CACNB2: variants seen among roughly 807,000 people sequenced by gnomAD.
CACNB2 encodes the protein calcium voltage-gated channel auxiliary subunit beta 2.
In CACNB2, 42 loss-of-function variants were observed where a neutral mutation model predicts 73.3. The ratio of observed to expected loss-of-function variants is 0.57; its 90% CI spans 0.45 to 0.74. The LOEUF (loss-of-function observed/expected upper bound fraction) is 0.74. CACNB2 is among the 30% of genes least tolerant of loss of function. The probability of loss-of-function intolerance (pLI) is 0.00; values close to 1 mark genes in which losing one functional copy is unlikely to be tolerated. For synonymous variants in CACNB2, 348 were observed against 310.3 expected, an observed-to-expected ratio of 1.12 and a Z score of -1.28; for missense variants, 940 against 853.0, an observed-to-expected ratio of 1.10 and a Z score of -1.27.
intron 2 of CACNB2, among the ~76,000 whole-genome samples, chr10:18,215,290 G>A (rs999828245): frequency 6.6e-6 from 1 of 152,132 alleles, no homozygotes; most frequent in African/African-American, 2.4e-5. Flanking sequence ...ATTCATCTAA[G>A]TGAGGGGGCC....
At chr10:18,328,713 A>C (rs2040680807) in intron 2 of CACNB2, among the ~76,000 whole-genome samples, 1 of 152,190 alleles carries the variant, frequency 6.6e-6, no homozygotes, top group South Asian at 2.1e-4. Flanking sequence ...AAGTCGATGT[A>C]GATTTGGGAC....
intron 3 of CACNB2, among the ~76,000 whole-genome samples, chr10:18,487,323 A>G (rs561206857): frequency 1.3e-5 from 2 of 152,156 alleles, no homozygotes; most frequent in Non-Finnish European, 2.9e-5. Flanking sequence ...TTGTTTATCT[A>G]TGCTTTCAGC....
At chr10:18,385,530 G>C (rs1377933484) in intron 2 of CACNB2, among the ~76,000 whole-genome samples, 2 of 151,598 alleles carry the variant, frequency 1.3e-5, no homozygotes, top group African/African-American at 4.8e-5. Flanking sequence ...GGGAGGCTGA[G>C]GCAGGAGAAT....
At chr10:18,410,739 T>G (rs1397885239) in intron 3 of CACNB2, among the ~76,000 whole-genome samples, 2 of 152,090 alleles carry the variant, frequency 1.3e-5, no homozygotes, top group Non-Finnish European at 2.9e-5. Context: ...CCCAGCACTT[T>G]GGGAGGCCAA....
chr10:18,208,176 G>C (rs1276075589), intron 2 of CACNB2, among the ~76,000 whole-genome samples: 1 of 152,132 alleles, frequency 6.6e-6, no homozygotes, highest in Non-Finnish European at 1.5e-5. Context: ...GCTTCAAAAA[G>C]GCTGTTTTAG....
At chr10:18,530,508 A>T (rs2052896842) in intron 10 of CACNB2, among the ~76,000 whole-genome samples, 1 of 104,684 alleles carries the variant, frequency 9.6e-6, no homozygotes, top group South Asian at 4.3e-4. Context: ...AGAAGTACAA[A>T]AATGCAAAAA....
intron 6 of CACNB2, among the ~76,000 whole-genome samples, chr10:18,512,956 T>A (rs1384006199): frequency 6.6e-6 from 1 of 152,186 alleles, no homozygotes; most frequent in Non-Finnish European, 1.5e-5. Context: ...CCCTTTTTGT[T>A]GACCGACGCC....
chr10:18,232,167 AGAAG>A (rs1170096642), intron 2 of CACNB2, among the ~76,000 whole-genome samples: 1 of 152,206 alleles, frequency 6.6e-6, no homozygotes, highest in Non-Finnish European at 1.5e-5. Context: ...AACCATAGTG[AGAAG>A]AATTTGCCTT....
intron 3 of CACNB2, among the ~76,000 whole-genome samples, chr10:18,489,361 G>C (rs2049271034): frequency 8.2e-6 from 1 of 122,032 alleles, no homozygotes; most frequent in African/African-American, 3.2e-5. Context: ...TTGCACCCTA[G>C]CCTGGGCAAC....
Position 18,380,819 on chromosome 10 carries a change from G to A in CACNB2, c.214-21105G>A, listed in dbSNP as rs112864730. ...ATCATAATATTCTTAATTTTTCAGC[G>A]CATTAAAGAAAAGATGAATAGGAAA... On this transcript the variant is annotated intron_variant, in intron 2 of 13. Coordinates refer to ENST00000324631, the MANE Select transcript of CACNB2 (RefSeq NM_201596.3). Among the ~76,000 whole-genome samples, 452 of 152,014 alleles carry A rather than the reference G, an allele frequency of 3.0e-3. 1 individual carries two copies. Among genetic ancestry groups the A allele is most frequent in the African/African-American group, 0.011 (440 of 41,492 alleles).
chr10:18,250,391 G>A (rs1355804993), intron 2 of CACNB2, among the ~76,000 whole-genome samples: 4 of 152,228 alleles, frequency 2.6e-5, no homozygotes. Flanking sequence ...TGTGGGCAAA[G>A]TGTGTTCCTG....
intron 3 of CACNB2, among the ~76,000 whole-genome samples, chr10:18,418,235 C>G (rs890537356): frequency 2.0e-5 from 3 of 152,186 alleles, no homozygotes; most frequent in Admixed American, 1.3e-4. Context: ...CCACTATGCT[C>G]AGCTAATTTT....
chr10:18,509,695 T>TAGGAGGTTCACTCGAGTCC (rs1247636695), intron 6 of CACNB2, among the ~76,000 whole-genome samples: 2 of 151,782 alleles, frequency 1.3e-5, no homozygotes, highest in African/African-American at 4.8e-5. Context: ...GAGGCTGAGG[T>TAGGAGGTTCACTCGAGTCC]AGGAGGTTCA....
chr10:18,460,689 G>A (rs1226201893), intron 3 of CACNB2, among the ~76,000 whole-genome samples: 1 of 151,954 alleles, frequency 6.6e-6, no homozygotes, highest in South Asian at 2.1e-4. Flanking sequence ...CCAGGAGTTC[G>A]AGAGCAGCCT....
At chr10:18,378,470 C>T (rs1442979115) in intron 2 of CACNB2, among the ~76,000 whole-genome samples, 3 of 152,134 alleles carry the variant, frequency 2.0e-5, no homozygotes, top group East Asian at 1.9e-4. Context: ...CACAGTTGGC[C>T]GGGCATGGTG....
chr10:18,199,202 A>G (rs1125417), intron 2 of CACNB2, among the ~76,000 whole-genome samples: 132,111 of 152,132 alleles, frequency 0.87, 57,558 homozygotes, highest in Non-Finnish European at 0.9. Context: ...ACATTTACTG[A>G]GAAACTACTA....
chr10:18,370,958 G>A (rs777346405), intron 2 of CACNB2, among the ~76,000 whole-genome samples: 66 of 151,916 alleles, frequency 4.3e-4, no homozygotes, highest in Non-Finnish European at 7.5e-4. Flanking sequence ...AATATTTTAC[G>A]TGCATCTTTT....
In CACNB2 at chr10:18,501,136, C is replaced by G. The variant is rs551870320; in HGVS notation, c.593+188C>G. 2.2e-4 allele frequency among the ~76,000 whole-genome samples: 34 copies of G among 152,296 alleles called. No individual in the cohort carries two copies. In the South Asian group the frequency reaches 3.7e-3, roughly 17 times the overall value. ...ACTTCAGTCCAGCACCTGATTTTCACCCTATTTGGGAAAGTGTCAAATTAT... is the reference window on the plus strand; with the variant it reads ...ACTTCAGTCCAGCACCTGATTTTCAGCCTATTTGGGAAAGTGTCAAATTAT... On this transcript the variant is annotated intron_variant, in intron 5 of 13. Transcript: ENST00000324631.
intron 2 of CACNB2, among the ~76,000 whole-genome samples, chr10:18,242,115 G>A (rs920159436): frequency 1.3e-5 from 2 of 151,596 alleles, no homozygotes; most frequent in African/African-American, 2.4e-5. Context: ...GTATACATGT[G>A]TGTGTGTGTG....
Sources: allele counts gnomAD v4.1 joint callset (sites outside exome capture counted in the v4.1 genomes callset), GRCh38; gene constraint gnomAD v4.1.1; transcripts MANE v1.5; gene names NCBI Gene and HGNC (gene_info 2026-07-23, HGNC 2026-07-21).